The following AOPEP variants were observed in gnomAD, a reference collection of about 807,000 sequenced individuals.
AOPEP encodes the protein aminopeptidase O.
AOPEP carries 77 observed loss-of-function variants against 98.1 expected under a neutral mutation model. That is an observed-to-expected ratio of 0.78 (90% CI 0.65 to 0.95). The LOEUF is 0.95. Among genes scored for constraint, AOPEP ranks in the 40% least tolerant of loss-of-function variants. The pLI is 0.00. For synonymous variants in AOPEP, 346 were observed against 365.3 expected, an observed-to-expected ratio of 0.95 and a Z score of 0.60; for missense variants, 1,024 against 1,024.7, an observed-to-expected ratio of 1.00 and a Z score of 0.01.
At chr9:94,794,741 G>T (rs1314143853) in intron 4 of AOPEP, among the ~76,000 whole-genome samples, 1 of 152,084 alleles carries the variant, frequency 6.6e-6, no homozygotes, top group Non-Finnish European at 1.5e-5. Flanking sequence ...GTTTCATGTG[G>T]GAACTTTAAT....
chr9:95,085,139 A>G, intron 16 of AOPEP: 1 of 431,190 alleles, frequency 2.3e-6, no homozygotes, highest in South Asian at 1.7e-5. Flanking sequence ...ACAGGCGTGA[A>G]GGCGGCAGTG....
At chr9:94,769,422 A>G (rs1438315107) in intron 2 of AOPEP, among the ~76,000 whole-genome samples, 1 of 152,166 alleles carries the variant, frequency 6.6e-6, no homozygotes, top group Non-Finnish European at 1.5e-5. Flanking sequence ...GATGAAGAGA[A>G]AAAGGCCAAG....
intron 1 of AOPEP, among the ~76,000 whole-genome samples, chr9:94,753,094 A>G (rs1836201275): frequency 6.6e-6 from 1 of 152,184 alleles, no homozygotes; most frequent in Non-Finnish European, 1.5e-5. Flanking sequence ...ACATAGACAG[A>G]TTCATAAGAT....
At chr9:94,727,749 T>C (rs1218912550) in intron 1 of AOPEP, among the ~76,000 whole-genome samples, 1 of 152,254 alleles carries the variant, frequency 6.6e-6, no homozygotes, top group Non-Finnish European at 1.5e-5. Flanking sequence ...GACTTGCTAA[T>C]TGGGAAGATT....
At chr9:95,011,975 G>C (rs186675894) in intron 13 of AOPEP, among the ~76,000 whole-genome samples, 109 of 152,230 alleles carry the variant, frequency 7.2e-4, no homozygotes, top group Non-Finnish European at 1.9e-4. Context: ...TCTTTGAATG[G>C]AACTATTCAT....
At chr9:94,863,222 C>T (rs72748513) in intron 5 of AOPEP, among the ~76,000 whole-genome samples, 8,236 of 151,500 alleles carry the variant, frequency 0.054, 654 homozygotes, top group African/African-American at 0.17. Context: ...CTCCTCTCCC[C>T]TCTCTTCCCC....
At chr9:95,126,513 A>G in the AOPEP span, 5 of 1,612,106 alleles carry the variant, frequency 3.1e-6, no homozygotes, top group Non-Finnish European at 4.2e-6. Context: ...ACTAGAAGAA[A>G]CAGTGTAACG....
intron 1 of AOPEP, among the ~76,000 whole-genome samples, chr9:94,733,780 C>T (rs1180146364): frequency 6.6e-6 from 1 of 152,124 alleles, no homozygotes; most frequent in Non-Finnish European, 1.5e-5. Flanking sequence ...CATTTTCTTA[C>T]CTTAATCCCA....
intron 13 of AOPEP, among the ~76,000 whole-genome samples, chr9:95,044,079 A>G (rs1464258414): frequency 1.3e-5 from 2 of 152,222 alleles, no homozygotes; most frequent in African/African-American, 4.8e-5. Context: ...TCTCTGGGAG[A>G]AAAGCACCAT....
chr9:94,883,541 T>A (rs1456420834), intron 5 of AOPEP, among the ~76,000 whole-genome samples: 2 of 152,182 alleles, frequency 1.3e-5, no homozygotes, highest in Non-Finnish European at 2.9e-5. Flanking sequence ...CAGAAGAAAC[T>A]CCTCAGGTTT....
the AOPEP span, among the ~76,000 whole-genome samples, chr9:95,149,613 G>A: frequency 0.011 from 1,647 of 151,916 alleles, 40 homozygotes; most frequent in African/African-American, 0.038. Context: ...CTAGTAGCTG[G>A]GATTAGAGGC....
At chr9:94,914,522 A>ATGTGTGTG (rs2052519015) in intron 5 of AOPEP, among the ~76,000 whole-genome samples, 2 of 73,274 alleles carry the variant, frequency 2.7e-5, no homozygotes, top group South Asian at 4.4e-4. Context: ...TTGGCATTAG[A>ATGTGTGTG]CGTGTGTGTG....
intron 5 of AOPEP, among the ~76,000 whole-genome samples, chr9:94,876,663 C>T (rs1158812983): frequency 1.3e-5 from 2 of 152,184 alleles, no homozygotes; most frequent in African/African-American, 2.4e-5. Flanking sequence ...CTGCACCTAG[C>T]CGTGTTCCCT....
At chr9:95,075,295 G>A (rs1170608411) in intron 14 of AOPEP, among the ~76,000 whole-genome samples, 1 of 152,168 alleles carries the variant, frequency 6.6e-6, no homozygotes, top group Non-Finnish European at 1.5e-5. Flanking sequence ...GTGAATATTT[G>A]AAGTGTACCA....
chr9:94,875,362 A>AAAAAAAAAAAG, intron 5 of AOPEP, among the ~76,000 whole-genome samples: 1 of 150,848 alleles, frequency 6.6e-6, no homozygotes. Context: ...AAAAAAAAAA[A>AAAAAAAAAAAG]AAAAAAAAAA....
chr9:94,755,106 CTTATT>C (rs1188747882), intron 1 of AOPEP, among the ~76,000 whole-genome samples: 1 of 151,574 alleles, frequency 6.6e-6, no homozygotes, highest in Non-Finnish European at 1.5e-5. Flanking sequence ...TTTTAGCACA[CTTATT>C]TTAGACACAG....
intron 5 of AOPEP, among the ~76,000 whole-genome samples, chr9:94,809,472 A>G (rs1328951056): frequency 6.6e-6 from 1 of 152,188 alleles, no homozygotes; most frequent in East Asian, 1.9e-4. Context: ...GATTCTATTC[A>G]GAAATATCTG....
intron 3 of AOPEP, among the ~76,000 whole-genome samples, chr9:94,776,665 A>G (rs886913228): frequency 6.6e-6 from 1 of 152,198 alleles, no homozygotes; most frequent in Non-Finnish European, 1.5e-5. Flanking sequence ...TAGTTAACCA[A>G]TATCTCTGGA....
chr9:94,962,727 C>A (rs1161283922), intron 9 of AOPEP, among the ~76,000 whole-genome samples: 1 of 141,030 alleles, frequency 7.1e-6, no homozygotes, highest in Admixed American at 6.8e-5. Context: ...TCAATATTAT[C>A]ATCTTTTTTT....
Sources: gnomAD v4.1 joint callset for allele counts (sites outside exome capture counted in the v4.1 genomes callset) on GRCh38, gnomAD v4.1.1 for gene constraint, MANE v1.5 for transcripts, NCBI Gene and HGNC (gene_info 2026-07-23, HGNC 2026-07-21) for gene names.